The following SPMIP6 variants were observed in gnomAD, a reference collection of about 807,000 sequenced individuals.
SPMIP6 encodes sperm microtubule inner protein 6.
chr9:34,387,810 G>A, the SPMIP6 span, among the ~76,000 whole-genome samples: 6 of 152,156 alleles, frequency 3.9e-5, no homozygotes, highest in East Asian at 1.9e-4. Context: ...GGATGATCTC[G>A]TTGGACAATA....
the SPMIP6 span, among the ~76,000 whole-genome samples, chr9:34,393,097 G>A: frequency 6.6e-6 from 1 of 152,210 alleles, no homozygotes; most frequent in Non-Finnish European, 1.5e-5. Flanking sequence ...ATTTAGGAAA[G>A]GGAATTCTTG....
the SPMIP6 span, chr9:34,397,374 G>C: frequency 1.9e-6 from 2 of 1,063,588 alleles, no homozygotes; most frequent in Non-Finnish European, 2.9e-6. Flanking sequence ...TGTAAATTCT[G>C]TGCCTAGGTA....
the SPMIP6 span, among the ~76,000 whole-genome samples, chr9:34,379,935 T>C: frequency 9.2e-5 from 14 of 152,162 alleles, no homozygotes; most frequent in South Asian, 2.9e-3. The surrounding 1 kb of genome is among the most constrained non-coding windows in gnomAD (Gnocchi z 4.2). Flanking sequence ...CGGCAAGGCC[T>C]CATTTCTGCC....
At chr9:34,391,075 T>G in the SPMIP6 span, among the ~76,000 whole-genome samples, 5 of 152,234 alleles carry the variant, frequency 3.3e-5, no homozygotes, top group African/African-American at 4.8e-5. Flanking sequence ...ATGCTGGGTG[T>G]TTTCTTTGTG....
the SPMIP6 span, chr9:34,397,661 G>A: frequency 1.3e-6 from 2 of 1,557,682 alleles, no homozygotes; most frequent in South Asian, 1.2e-5. Flanking sequence ...GCCGTGGTGG[G>A]CTCTACCTGT....
At chr9:34,385,069 C>T in the SPMIP6 span, among the ~76,000 whole-genome samples, 3 of 151,620 alleles carry the variant, frequency 2.0e-5, no homozygotes, top group Non-Finnish European at 2.9e-5. Flanking sequence ...TTCTCCAACT[C>T]GCTAAGGATG....
chr9:34,381,299 C>T, the SPMIP6 span: 2 of 1,605,474 alleles, frequency 1.2e-6, no homozygotes, highest in Non-Finnish European at 1.7e-6. The surrounding 1 kb of genome is among the most constrained non-coding windows in gnomAD (Gnocchi z 4.4). Context: ...AGGTACCCAT[C>T]CCGCCCTCCT....
At chr9:34,382,053 G>A in the SPMIP6 span, among the ~76,000 whole-genome samples, 1 of 152,176 alleles carries the variant, frequency 6.6e-6, no homozygotes, top group South Asian at 2.1e-4. Flanking sequence ...GGAGAAGGTG[G>A]AGCAGGGAGA....
the SPMIP6 span, among the ~76,000 whole-genome samples, chr9:34,391,069 T>G: frequency 5.3e-5 from 8 of 152,364 alleles, no homozygotes; most frequent in Admixed American, 5.2e-4. Context: ...TTATCTATGC[T>G]GGGTGTTTTC....
At chr9:34,379,527 T>C in the SPMIP6 span, 3 of 886,652 alleles carry the variant, frequency 3.4e-6, no homozygotes, top group Admixed American at 1.9e-5. This position sits in a 1 kb window ranked among gnomAD's most constrained non-coding sequence, Gnocchi z 4.2. Context: ...CCTCGTGGTA[T>C]GTGCCTGTCA....
At chr9:34,385,683 T>C in the SPMIP6 span, 1 of 1,613,888 alleles carries the variant, frequency 6.2e-7, no homozygotes, top group East Asian at 2.2e-5. Context: ...AGGGGTGGCC[T>C]GATATGGACC....
the SPMIP6 span, among the ~76,000 whole-genome samples, chr9:34,389,009 G>A: frequency 6.9e-6 from 1 of 143,926 alleles, no homozygotes; most frequent in Non-Finnish European, 1.5e-5. Context: ...ACAGTTCACT[G>A]CAGTCTCTAC....
chr9:34,382,904 A>T, the SPMIP6 span: 1 of 1,302,840 alleles, frequency 7.7e-7, no homozygotes, highest in East Asian at 2.3e-5. Flanking sequence ...AAATAGTGTT[A>T]CTTCTTACTC....
chr9:34,382,500 G>T, the SPMIP6 span, among the ~76,000 whole-genome samples: 1 of 152,018 alleles, frequency 6.6e-6, no homozygotes, highest in African/African-American at 2.4e-5. Flanking sequence ...TAGCAGAATT[G>T]CTTGAACCCA....
chr9:34,387,526 C>A, the SPMIP6 span, among the ~76,000 whole-genome samples: 63,498 of 151,660 alleles, frequency 0.42, 14,090 homozygotes, highest in East Asian at 0.85. Context: ...ACACACACAC[C>A]CCTGTGTACC....
At chr9:34,379,060 A>G in the SPMIP6 span, 1 of 1,475,184 alleles carries the variant, frequency 6.8e-7, no homozygotes, top group South Asian at 1.1e-5. This position sits in a 1 kb window ranked among gnomAD's most constrained non-coding sequence, Gnocchi z 4.2. Context: ...CCCCCTTGGC[A>G]CAGCAAGCCC....
At chr9:34,392,896 G>A in the SPMIP6 span, among the ~76,000 whole-genome samples, 1 of 152,252 alleles carries the variant, frequency 6.6e-6, no homozygotes, top group Middle Eastern at 3.2e-3. The surrounding 1 kb of genome is among the most constrained non-coding windows in gnomAD (Gnocchi z 4.6). Context: ...AGGAGATCCA[G>A]TGGGAGCTAG....
the SPMIP6 span, among the ~76,000 whole-genome samples, chr9:34,394,047 C>CTT: frequency 1.3e-5 from 2 of 152,190 alleles, no homozygotes; most frequent in African/African-American, 4.8e-5. Flanking sequence ...GTCTTGAACT[C>CTT]TTGGCCTCAA....
chr9:34,381,093 G>A, the SPMIP6 span: 1 of 1,608,990 alleles, frequency 6.2e-7, no homozygotes, highest in Non-Finnish European at 8.5e-7. The surrounding 1 kb of genome is among the most constrained non-coding windows in gnomAD (Gnocchi z 4.4). Flanking sequence ...TGCTGGTTCC[G>A]CGACAGTGAG....
Sources: allele counts gnomAD v4.1 joint callset (sites outside exome capture counted in the v4.1 genomes callset), GRCh38; gene constraint gnomAD v4.1.1; non-coding constraint Gnocchi (gnomAD v3.1); transcripts MANE v1.5; gene names NCBI Gene and HGNC (gene_info 2026-07-23, HGNC 2026-07-21).